The following SMG1 variants were observed in gnomAD, a reference collection of about 807,000 sequenced individuals.
The protein encoded by SMG1 is SMG1 nonsense mediated mRNA decay associated PI3K related kinase.
SMG1 carries 22 observed loss-of-function variants against 419.9 expected under a neutral mutation model. That is an observed-to-expected ratio of 0.05 (90% confidence interval 0.04 to 0.07). The LOEUF is 0.07. SMG1 is among the 10% of genes least tolerant of loss of function. The pLI is 1.00. For missense variants in SMG1, 3,185 were observed against 4,342.0 expected, an observed-to-expected ratio of 0.73 and a Z score of 7.49; for synonymous variants, 1,538 against 1,553.5, an observed-to-expected ratio of 0.99 and a Z score of 0.23.
intron 1 of SMG1, among the ~76,000 whole-genome samples, chr16:18,914,243 A>G (rs1052820057): frequency 1.5e-4 from 23 of 152,134 alleles, no homozygotes; most frequent in African/African-American, 5.3e-4. Context: ...AGGTTTTTAA[A>G]TAACCATAAA....
Position 18,830,388 on chromosome 16 carries a change from A to G in SMG1, c.8793-19T>C. On this transcript the variant is annotated intron_variant, in intron 51 of 62. Coordinates refer to ENST00000446231, the MANE Select transcript of SMG1 (RefSeq NM_015092.5). ...TAGTAGTCTACAGAAAAACAAAAGG[A>G]GTTAAAACCTTCGCTGAAAAGTAAT... The G allele has an allele frequency of 5.0e-6, 8 of 1,613,062 alleles. No individual in the cohort carries two copies. Among genetic ancestry groups the G allele is most frequent in the Non-Finnish European group, 6.8e-6 (8 of 1,179,222 alleles).
At chr16:18,831,593 T>C (rs2033175234) in intron 51 of SMG1, among the ~76,000 whole-genome samples, 1 of 151,844 alleles carries the variant, frequency 6.6e-6, no homozygotes, top group African/African-American at 2.4e-5. Flanking sequence ...ATGCTATTAA[T>C]GATTATACTT....
chr16:18,837,594 C>T (rs2033656757), intron 45 of SMG1, among the ~76,000 whole-genome samples, 151 bp from the exon 46 acceptor site: 3 of 152,272 alleles, frequency 2.0e-5, no homozygotes, highest in East Asian at 1.9e-4. Flanking sequence ...ACAACTAATG[C>T]GTTCAAGTTT....
intron 29 of SMG1, among the ~76,000 whole-genome samples, chr16:18,856,104 A>C (rs535574275): frequency 6.6e-6 from 1 of 152,088 alleles, no homozygotes; most frequent in Non-Finnish European, 1.5e-5. Flanking sequence ...CTTAAATGTT[A>C]CTTCCCCACA....
At chr16:18,860,149 C>A (rs2035138383) in intron 26 of SMG1, among the ~76,000 whole-genome samples, 1 of 152,156 alleles carries the variant, frequency 6.6e-6, no homozygotes, top group South Asian at 2.1e-4. Context: ...ACTCAGAGGG[C>A]AGAGGCTGCA....
At chr16:18,889,927 C>T (rs1392677769) in intron 5 of SMG1, among the ~76,000 whole-genome samples, 1 of 152,190 alleles carries the variant, frequency 6.6e-6, no homozygotes, top group Non-Finnish European at 1.5e-5. Context: ...TACATAACTA[C>T]ATTCTACATA....
Position 18,834,198 on chromosome 16 carries a change from G to A in SMG1, c.8565+6C>T. The stretch of plus-strand genomic sequence containing the variant: ...ACAAACTAATATTTAAAATAAAAGT[G>A]TTCACCTGAAGTGAGGTATACACTC... On this transcript the variant is annotated splice_donor_region_variant and intron_variant, in intron 50 of 62. Coordinates refer to ENST00000446231, the MANE Select transcript of SMG1 (RefSeq NM_015092.5). The A allele has an allele frequency of 2.6e-6, 4 of 1,553,200 alleles. No homozygotes were observed. Among genetic ancestry groups the A allele is most frequent in the Non-Finnish European group, 3.5e-6 (4 of 1,141,752 alleles).
chr16:18,883,716 T>C (rs1356125798), intron 9 of SMG1, among the ~76,000 whole-genome samples: 2 of 152,114 alleles, frequency 1.3e-5, no homozygotes, highest in East Asian at 1.9e-4. Context: ...GTCAGGAGTT[T>C]GAGACCAGCC....
chr16:18,842,015 G>A (rs1399596423), intron 40 of SMG1, among the ~76,000 whole-genome samples, 193 bp downstream of exon 40: 3 of 152,118 alleles, frequency 2.0e-5, no homozygotes, highest in South Asian at 4.1e-4. Context: ...TACACAAAGT[G>A]GGGGTGGAAA....
chr16:18,867,700 C>CTTTTTTT (rs778044384), intron 22 of SMG1, among the ~76,000 whole-genome samples: 5 of 87,876 alleles, frequency 5.7e-5, no homozygotes, highest in African/African-American at 2.3e-4. Flanking sequence ...ATTTTAACTT[C>CTTTTTTT]TTTTTTTTTT....
chr16:18,849,523 AAAG>A, intron 35 of SMG1, 145 bp from the exon 36 acceptor site: 1 of 796,748 alleles, frequency 1.3e-6, no homozygotes, highest in Non-Finnish European at 1.9e-6. Flanking sequence ...CTGTGATAAT[AAAG>A]AACCATACAC....
intron 1 of SMG1, among the ~76,000 whole-genome samples, chr16:18,912,328 T>A (rs1490757786): frequency 6.6e-6 from 1 of 151,766 alleles, no homozygotes; most frequent in African/African-American, 2.4e-5. Context: ...ATAGCAATAA[T>A]AATAATGTAT....
rs1168514880 is a variant in SMG1, at chr16:18,884,113, G to C, written c.1076C>G (p.Thr359Ser). The C allele has an allele frequency of 6.2e-7, 1 of 1,606,152 alleles. No homozygotes were observed. Among genetic ancestry groups the C allele is most frequent in the Non-Finnish European group, 8.5e-7 (1 of 1,174,960 alleles). Residue 359 changes from threonine to serine, a missense_variant, in exon 9 of 63, where the codon ACT becomes AGT. This residue lies in a region of SMG1 where 27 missense variants were observed against 59.4 expected (regional missense o/e 0.45). Coordinates refer to ENST00000446231, the MANE Select transcript of SMG1 (RefSeq NM_015092.5). The part of the protein sequence containing the change: ...FWVADLAFST[T>S]LLGQFLEDME... ...GTCTTCCAGAAACTGACCAAGAAGA[G>C]TAGTAGAAAATGCAAGATCAGCTAC...
At position 18,871,352 on chromosome 16, in the gene SMG1, A is replaced by C. The variant is rs1441480287; in HGVS notation, c.2302+12T>G. On this transcript the variant is annotated intron_variant, in intron 16 of 62. Transcript: ENST00000446231. ...AAACAAAATAGAAAAAAAAAAAAAA[A>C]CAGAGTCTTACTGTTGGCTAAAAGG... 2.6e-5 allele frequency: 32 copies of C among 1,250,892 alleles called. No homozygotes were observed. Among genetic ancestry groups the C allele is most frequent in the Admixed American group, 2.1e-4 (8 of 38,510 alleles). The allele number at this position is 1,250,892 out of a possible 1,614,324, so 77.5% of individuals were successfully genotyped here.
intron 51 of SMG1, 23 bp downstream of exon 51, chr16:18,832,917 C>G: frequency 6.3e-7 from 1 of 1,586,708 alleles, no homozygotes; most frequent in Non-Finnish European, 8.7e-7. Flanking sequence ...TACAAGGAAA[C>G]GGCACAGCCA....
intron 51 of SMG1, among the ~76,000 whole-genome samples, chr16:18,831,951 C>A (rs1451527608): frequency 6.6e-6 from 1 of 151,552 alleles, no homozygotes; most frequent in Non-Finnish European, 1.5e-5. Context: ...GCACCACAGT[C>A]AAGAAAAATA....
rs776049062 is a variant in SMG1, at chr16:18,811,955, A to C, written c.10794T>G (p.Thr3598=). 1.1e-5 allele frequency: 18 copies of C among 1,612,814 alleles called. No individual in the cohort carries two copies. The highest frequency in any genetic ancestry group is 3.4e-6 in the Non-Finnish European group (4 of 1,179,584). The change falls in exon 61 of 63, where the codon ACT becomes ACG. Residue 3598 remains threonine, a synonymous_variant. Transcript: ENST00000446231. The part of the protein sequence containing the change: ...SPKKAVRDPK[T]GKAVQERNSY... The stretch of plus-strand genomic sequence containing the variant: ...TTTATTCTAACTAATTACCTTTCCC[A>C]GTTTTAGGGTCTCTGACTGCCTTTT...
chr16:18,833,270 G>T, intron 50 of SMG1, 104 bp from the exon 51 acceptor site: 1 of 695,562 alleles, frequency 1.4e-6, no homozygotes, highest in Admixed American at 3.0e-5. Flanking sequence ...ATGTAACTAT[G>T]CCATCAACTC....
chr16:18,907,977 G>A (rs1465946687), intron 1 of SMG1, among the ~76,000 whole-genome samples: 2 of 151,346 alleles, frequency 1.3e-5, no homozygotes, highest in Non-Finnish European at 2.9e-5. Context: ...TGCCAAGATT[G>A]AAAGGAAATA....
Sources: allele counts gnomAD v4.1 joint callset (sites outside exome capture counted in the v4.1 genomes callset), GRCh38; gene constraint gnomAD v4.1.1; regional missense constraint gnomAD v4.1.1; transcripts MANE v1.5; gene names NCBI Gene and HGNC (gene_info 2026-07-23, HGNC 2026-07-21).